CHRM5: variants seen among roughly 807,000 people sequenced by gnomAD.
CHRM5 encodes cholinergic receptor muscarinic 5, also known as muscarinic acetylcholine receptor M5.
Under a neutral mutation model 39.0 loss-of-function variants are expected in CHRM5, and 18 were observed. The ratio of observed to expected loss-of-function variants is 0.46; its 90% confidence interval spans 0.32 to 0.68. CHRM5 has a LOEUF of 0.68. CHRM5 is among the 30% of genes least tolerant of loss of function. The pLI is 0.04. For synonymous variants in CHRM5, 241 were observed against 246.3 expected (o/e 0.98, Z 0.20); for missense variants, 515 against 651.1 (o/e 0.79, Z 2.28).
chr15:34,041,927 GT>G (rs1162321480), intron 1 of CHRM5, among the ~76,000 whole-genome samples: 2 of 152,172 alleles, frequency 1.3e-5, no homozygotes, highest in Non-Finnish European at 2.9e-5. Context: ...CCGGGGGTAT[GT>G]TACTCTCCAT....
chr15:34,046,011 T>C (rs745715446), intron 1 of CHRM5, among the ~76,000 whole-genome samples: 11 of 152,092 alleles, frequency 7.2e-5, no homozygotes, highest in Non-Finnish European at 1.2e-4. Context: ...ATACTCTAGA[T>C]GGTGGGATGA....
intron 1 of CHRM5, among the ~76,000 whole-genome samples, chr15:34,003,730 G>A (rs534984031): frequency 6.6e-6 from 1 of 152,260 alleles, no homozygotes; most frequent in South Asian, 2.1e-4. Context: ...ACAATGACTT[G>A]TGAAATGGAG....
intron 1 of CHRM5, among the ~76,000 whole-genome samples, chr15:34,022,684 T>A (rs751778749): frequency 4.6e-5 from 7 of 152,208 alleles, no homozygotes; most frequent in Non-Finnish European, 7.3e-5. Flanking sequence ...TATGAGATTA[T>A]CTCTCTGCTT....
intron 1 of CHRM5, chr15:34,038,740 G>A: frequency 1.8e-6 from 2 of 1,142,226 alleles, no homozygotes; most frequent in Non-Finnish European, 2.1e-6. Context: ...ACTTGCCCCA[G>A]TTACACGCGG....
At position 33,968,998 on chromosome 15, in the gene CHRM5, G is replaced by A. The variant is rs1954734848; in HGVS notation, c.-560G>A. ...CATACTATCCTAACTAATGCTACAG[G>A]ATTATCAGGAATACAGATATAAAGA... On this transcript the variant is annotated 5_prime_UTR_variant, in exon 1 of 3. Coordinates refer to ENST00000383263, the MANE Select transcript of CHRM5 (RefSeq NM_012125.4). 1 of 151,956 alleles carries A rather than the reference G, an allele frequency of 6.6e-6. No individual in the cohort carries two copies. The highest frequency in any genetic ancestry group is 2.4e-5 in the African/African-American group (1 of 41,388). The allele number at this position is 151,956 out of a possible 1,614,324, so 9.4% of individuals were successfully genotyped here.
intron 1 of CHRM5, among the ~76,000 whole-genome samples, chr15:34,026,179 T>C (rs72718666): frequency 0.026 from 3,946 of 152,328 alleles, 118 homozygotes; most frequent in Non-Finnish European, 0.028. Flanking sequence ...TTTCCACATA[T>C]TGTCATTTTT....
At chr15:33,986,548 CTT>C (rs961521786) in intron 1 of CHRM5, among the ~76,000 whole-genome samples, 5 of 152,116 alleles carry the variant, frequency 3.3e-5, no homozygotes, top group African/African-American at 1.2e-4. Context: ...CTTTCTGAAA[CTT>C]AATGATTTTT....
intron 2 of CHRM5, among the ~76,000 whole-genome samples, chr15:34,055,777 G>A (rs1435431623): frequency 1.3e-5 from 2 of 152,070 alleles, no homozygotes; most frequent in African/African-American, 4.8e-5. Context: ...CTCCAGCCTG[G>A]GCGACGGAGC....
chr15:34,045,592 CATG>C (rs1686180532), intron 1 of CHRM5, among the ~76,000 whole-genome samples: 1 of 152,056 alleles, frequency 6.6e-6, no homozygotes, highest in Non-Finnish European at 1.5e-5. Flanking sequence ...AGCTGGTTAT[CATG>C]ATGTCCCAAT....
At chr15:34,027,090 C>T (rs994455534) in intron 1 of CHRM5, among the ~76,000 whole-genome samples, 1 of 152,216 alleles carries the variant, frequency 6.6e-6, no homozygotes, top group Non-Finnish European at 1.5e-5. Flanking sequence ...AAATTGTCAA[C>T]ATATACTCTT....
At chr15:34,058,852 T>C (rs777481230) in intron 2 of CHRM5, among the ~76,000 whole-genome samples, 7 of 152,190 alleles carry the variant, frequency 4.6e-5, no homozygotes, top group Non-Finnish European at 5.9e-5. Context: ...TACAAAGTCA[T>C]AGAAATGTAG....
chr15:33,996,362 C>T (rs1047118027), intron 1 of CHRM5, among the ~76,000 whole-genome samples: 4 of 151,964 alleles, frequency 2.6e-5, no homozygotes, highest in African/African-American at 2.4e-5. Flanking sequence ...TTCTGAGAAC[C>T]GACAGACTGC....
At chr15:34,015,968 C>T (rs1897885859) in intron 1 of CHRM5, among the ~76,000 whole-genome samples, 1 of 152,144 alleles carries the variant, frequency 6.6e-6, no homozygotes, top group South Asian at 2.1e-4. Context: ...TGAACAGTAA[C>T]CATTATGTGA....
chr15:34,063,740 G>T lies in CHRM5; in HGVS notation c.1023G>T (p.Glu341Asp). ...CAGGGGAAGAATTCAGTGCTGAAGA[G>T]ACTGAGGAAACTTTTGTGAAAGCTG... ...ESPGEEFSAE[E>D]TEETFVKAET... The change falls in exon 3 of 3, where the codon GAG (glutamate) becomes GAT (aspartate). Residue 341 changes from glutamate (E) to aspartate (D), a missense_variant. Glu to Asp is a conservative substitution (Grantham distance 45). Transcript: ENST00000383263. This position sits in a 1 kb window ranked among gnomAD's most constrained non-coding sequence, Gnocchi z 4.1. 6.2e-7 allele frequency: 1 copy of T among 1,614,226 alleles called. No homozygotes were observed. Among genetic ancestry groups the T allele is most frequent in the Non-Finnish European group, 8.5e-7 (1 of 1,180,052 alleles).
intron 1 of CHRM5, among the ~76,000 whole-genome samples, chr15:34,017,599 T>C (rs967708807): frequency 6.6e-6 from 1 of 150,828 alleles, no homozygotes; most frequent in African/African-American, 2.4e-5. Flanking sequence ...CCTGCCTGAG[T>C]CTCTCAAGTA....
chr15:34,001,319 G>C (rs919089554), intron 1 of CHRM5, among the ~76,000 whole-genome samples: 4 of 152,270 alleles, frequency 2.6e-5, no homozygotes, highest in Admixed American at 2.6e-4. Context: ...ACCATGCCCA[G>C]CCTGGACTAG....
At chr15:34,048,939 C>T (rs1412810699) in intron 2 of CHRM5, among the ~76,000 whole-genome samples, 2 of 152,128 alleles carry the variant, frequency 1.3e-5, no homozygotes, top group Admixed American at 6.5e-5. Flanking sequence ...GGAGTGGACC[C>T]ACGGCAAACT....
intron 1 of CHRM5, among the ~76,000 whole-genome samples, chr15:34,028,371 C>T (rs534163509): frequency 6.6e-6 from 1 of 152,212 alleles, no homozygotes; most frequent in African/African-American, 2.4e-5. Flanking sequence ...TCGAGAGCAG[C>T]CTGTGCAACC....
intron 1 of CHRM5, among the ~76,000 whole-genome samples, chr15:34,040,414 G>GT (rs1332119714): frequency 6.6e-6 from 1 of 152,192 alleles, no homozygotes; most frequent in African/African-American, 2.4e-5. Flanking sequence ...TGGGAGTAGG[G>GT]GCGCCTTCCA....
Sources: allele counts gnomAD v4.1 joint callset (sites outside exome capture counted in the v4.1 genomes callset), GRCh38; gene constraint gnomAD v4.1.1; non-coding constraint Gnocchi (gnomAD v3.1); transcripts MANE v1.5; gene names NCBI Gene and HGNC (gene_info 2026-07-23, HGNC 2026-07-21).